DNAH8: variants seen among roughly 807,000 people sequenced by gnomAD.
The protein encoded by DNAH8 is axonemal beta dynein heavy chain 8.
DNAH8 carries 382 observed loss-of-function variants against 562.1 expected under a neutral mutation model. That is an observed-to-expected ratio of 0.68 (90% CI 0.63 to 0.74). The LOEUF (loss-of-function observed/expected upper bound fraction) is 0.74, where lower values mean the gene tolerates loss of function less well. Among genes scored for constraint, DNAH8 ranks in the 30% least tolerant of loss-of-function variants. The pLI is 0.00. For synonymous variants in DNAH8, 1,881 were observed against 1,919.4 expected, an observed-to-expected ratio of 0.98 and a Z score of 0.52; for missense variants, 5,203 against 5,620.4, an observed-to-expected ratio of 0.93 and a Z score of 2.37.
chr6:38,902,532 C>T (rs1205148179), intron 62 of DNAH8, among the ~76,000 whole-genome samples: 2 of 152,178 alleles, frequency 1.3e-5, no homozygotes, highest in African/African-American at 2.4e-5. Context: ...CCCGTGTTTT[C>T]CCATCACTCC....
chr6:38,894,307 A>C (rs1779533527), intron 58 of DNAH8, among the ~76,000 whole-genome samples: 1 of 152,204 alleles, frequency 6.6e-6, no homozygotes, highest in Admixed American at 6.5e-5. Context: ...CCTGCATGAC[A>C]ACCAACTCAC....
At chr6:38,760,777 C>T (rs982357449) in intron 10 of DNAH8, among the ~76,000 whole-genome samples, 3 of 152,152 alleles carry the variant, frequency 2.0e-5, no homozygotes, top group African/African-American at 4.8e-5. Context: ...TGCTTGCTCT[C>T]ATATGAGGCC....
intron 10 of DNAH8, among the ~76,000 whole-genome samples, chr6:38,758,367 C>T (rs1190834149): frequency 1.3e-5 from 2 of 151,514 alleles, no homozygotes; most frequent in Non-Finnish European, 1.5e-5. Context: ...GTGATTTTTG[C>T]ACATTGATTT....
chr6:38,957,383 GGGGCTTCAACATCCCATTTTCAGC>G (rs1762315457), intron 82 of DNAH8, among the ~76,000 whole-genome samples: 1 of 150,818 alleles, frequency 6.6e-6, no homozygotes, highest in South Asian at 2.1e-4. Context: ...ATAATAGTAG[GGGGCTTCAACATCCCATTTTCAGC>G]AATGGACAAA....
chr6:38,737,690 CT>C (rs1764203431), intron 6 of DNAH8, 118 bp from the exon 7 acceptor site: 2 of 378,558 alleles, frequency 5.3e-6, no homozygotes, highest in South Asian at 2.1e-4. Context: ...TACACATTGA[CT>C]TTTAACACAT....
At position 38,747,836 on chromosome 6, in the gene DNAH8, T is replaced by C. The variant is rs9369079; in HGVS notation, c.1294-2640T>C. 2.3e-4 allele frequency among the ~76,000 whole-genome samples: 35 copies of C among 152,346 alleles called. No individual in the cohort carries two copies. In the East Asian group the frequency reaches 5.6e-3, roughly 24 times the overall value. On this transcript the variant is annotated intron_variant, in intron 8 of 92. Coordinates refer to ENST00000327475, the MANE Select transcript of DNAH8 (RefSeq NM_001206927.2). ...CAGTTTTTTTCTCCAAAATACCAAA[T>C]TTTGAGACTTAGTTTTATATATTTT...
intron 9 of DNAH8, among the ~76,000 whole-genome samples, chr6:38,753,899 T>C (rs367680391): frequency 1.3e-5 from 2 of 152,192 alleles, no homozygotes; most frequent in East Asian, 1.9e-4. Context: ...CTAATAGCAT[T>C]GAGTCATATA....
intron 9 of DNAH8, among the ~76,000 whole-genome samples, chr6:38,752,504 T>C (rs917435780): frequency 2.0e-5 from 3 of 152,220 alleles, no homozygotes; most frequent in Non-Finnish European, 4.4e-5. Context: ...TCTGTGTCAG[T>C]ATTCTTCACT....
chr6:39,005,178 A>G (rs1442054643), intron 88 of DNAH8, among the ~76,000 whole-genome samples: 1 of 152,204 alleles, frequency 6.6e-6, no homozygotes, highest in African/African-American at 2.4e-5. Context: ...TTGGGAGGCC[A>G]AGGTGGGTGA....
intron 55 of DNAH8, 48 bp from the exon 56 acceptor site, chr6:38,883,828 T>C: frequency 7.0e-7 from 1 of 1,433,432 alleles, no homozygotes; most frequent in Non-Finnish European, 9.3e-7. Context: ...TTTTTAGAAG[T>C]ATGGATTAAA....
intron 23 of DNAH8, among the ~76,000 whole-genome samples, chr6:38,806,628 T>G (rs1051213012): frequency 1.3e-5 from 2 of 152,128 alleles, no homozygotes; most frequent in Middle Eastern, 3.4e-3. Context: ...AATTCATCTC[T>G]CACATTGCTG....
At chr6:38,892,479 C>A (rs1339145838) in intron 58 of DNAH8, among the ~76,000 whole-genome samples, 1 of 152,128 alleles carries the variant, frequency 6.6e-6, no homozygotes, top group African/African-American at 2.4e-5. Context: ...GGGCACCATC[C>A]TTGATTTATG....
intron 49 of DNAH8, among the ~76,000 whole-genome samples, chr6:38,871,608 T>C (rs570387413): frequency 1.3e-5 from 2 of 152,254 alleles, no homozygotes; most frequent in Middle Eastern, 3.4e-3. Context: ...TCTGATCAGC[T>C]GTCAGACCTT....
At chr6:39,029,671 T>C (rs554269424) in intron 92 of DNAH8, among the ~76,000 whole-genome samples, 146 of 152,266 alleles carry the variant, frequency 9.6e-4, no homozygotes, top group African/African-American at 3.4e-3. Context: ...CACTTCATCC[T>C]GTGACTGAGA....
intron 21 of DNAH8, among the ~76,000 whole-genome samples, chr6:38,801,447 G>T (rs141893849): frequency 3.9e-4 from 60 of 152,340 alleles, no homozygotes; most frequent in African/African-American, 1.3e-3. Context: ...GGGATGCCAA[G>T]ATAAACATGT....
intron 58 of DNAH8, 65 bp downstream of exon 58, chr6:38,890,826 G>T (rs1032637409): frequency 9.0e-6 from 10 of 1,115,140 alleles, no homozygotes; most frequent in Non-Finnish European, 1.4e-5. Context: ...ATCACACCTC[G>T]TGGCTCATTA....
At chr6:38,775,071 C>T (rs1473414791) in intron 12 of DNAH8, among the ~76,000 whole-genome samples, 2 of 152,122 alleles carry the variant, frequency 1.3e-5, no homozygotes, top group Non-Finnish European at 2.9e-5. Context: ...AGGTTTATTC[C>T]CTTTCTGGCC....
At chr6:38,893,575 G>A (rs1286260308) in intron 58 of DNAH8, among the ~76,000 whole-genome samples, 1 of 152,062 alleles carries the variant, frequency 6.6e-6, no homozygotes, top group African/African-American at 2.4e-5. Flanking sequence ...ATAACTATAT[G>A]TTTTACATTT....
intron 11 of DNAH8, among the ~76,000 whole-genome samples, chr6:38,765,359 T>C (rs1389326113): frequency 6.6e-6 from 1 of 152,182 alleles, no homozygotes; most frequent in Admixed American, 6.5e-5. Context: ...ACTTTTGGGG[T>C]CACGTCCAAA....
Sources: gnomAD v4.1 joint callset for allele counts (sites outside exome capture counted in the v4.1 genomes callset) on GRCh38, gnomAD v4.1.1 for gene constraint, MANE v1.5 for transcripts, NCBI Gene and HGNC (gene_info 2026-07-23, HGNC 2026-07-21) for gene names.